Variants in CWC27 observed in about 807,000 individuals in gnomAD.
CWC27 encodes CWC27 spliceosome associated cyclophilin, also known as spliceosome-associated protein CWC27 homolog.
In CWC27, 47 loss-of-function variants were observed where a neutral mutation model predicts 63.6. That is an observed-to-expected ratio of 0.74 (90% CI 0.58 to 0.94). The LOEUF (loss-of-function observed/expected upper bound fraction) is 0.94. Among genes scored for constraint, CWC27 ranks in the 40% least tolerant of loss-of-function variants. The pLI is 0.00. For missense variants in CWC27, 495 were observed against 554.3 expected, an observed-to-expected ratio of 0.89 and a Z score of 1.07; for synonymous variants, 175 against 179.8, an observed-to-expected ratio of 0.97 and a Z score of 0.22.
chr5:64,777,068 C>T (rs1453667082), intron 2 of CWC27, among the ~76,000 whole-genome samples: 1 of 152,042 alleles, frequency 6.6e-6, no homozygotes, highest in Admixed American at 6.6e-5. Context: ...TTGATAATTT[C>T]ATTAGTTCCT....
intron 13 of CWC27, among the ~76,000 whole-genome samples, chr5:65,000,780 T>G (rs1327210785): frequency 6.6e-6 from 1 of 152,166 alleles, no homozygotes; most frequent in African/African-American, 2.4e-5. Flanking sequence ...GCTTTGTTCT[T>G]TGTGCTCGGT....
At chr5:64,788,073 G>A (rs1188601005) in intron 6 of CWC27, among the ~76,000 whole-genome samples, 1 of 152,032 alleles carries the variant, frequency 6.6e-6, no homozygotes, top group African/African-American at 2.4e-5. Context: ...TTAATTCCTT[G>A]TGGCAAAATA....
intron 7 of CWC27, among the ~76,000 whole-genome samples, chr5:64,791,950 C>G (rs750865076): frequency 6.6e-6 from 1 of 151,960 alleles, no homozygotes; most frequent in Non-Finnish European, 1.5e-5. Flanking sequence ...TTGCTACTAC[C>G]CTTGTTCAGC....
At chr5:64,890,231 A>G (rs1747197150) in intron 11 of CWC27, among the ~76,000 whole-genome samples, 1 of 152,168 alleles carries the variant, frequency 6.6e-6, no homozygotes, top group South Asian at 2.1e-4. Context: ...CTTTTCATGA[A>G]ACATATCCCT....
intron 10 of CWC27, among the ~76,000 whole-genome samples, chr5:64,817,171 A>G (rs1459892612): frequency 6.6e-6 from 1 of 152,092 alleles, no homozygotes; most frequent in Non-Finnish European, 1.5e-5. Flanking sequence ...CTCCTCTTTC[A>G]GGCCTCTGCA....
At chr5:64,786,460 G>A (rs770157681) in intron 5 of CWC27, 64 bp from the exon 6 acceptor site, 27 of 932,594 alleles carry the variant, frequency 2.9e-5, no homozygotes, top group South Asian at 9.4e-5. Flanking sequence ...AATTACATAC[G>A]GGGTTTGATT....
chr5:65,000,147 G>A (rs938166969), intron 13 of CWC27, among the ~76,000 whole-genome samples: 14 of 152,032 alleles, frequency 9.2e-5, no homozygotes, highest in African/African-American at 3.4e-4. Flanking sequence ...TTTCAGAGAT[G>A]TCTATTCAGA....
intron 7 of CWC27, among the ~76,000 whole-genome samples, chr5:64,789,253 G>T (rs886207138): frequency 4.6e-5 from 7 of 151,918 alleles, no homozygotes; most frequent in Admixed American, 4.6e-4. Flanking sequence ...AACTAGACTT[G>T]CAGTTTTTTG....
intron 11 of CWC27, among the ~76,000 whole-genome samples, chr5:64,963,221 CA>C (rs1327909754): frequency 6.6e-6 from 1 of 152,086 alleles, no homozygotes; most frequent in Non-Finnish European, 1.5e-5. Context: ...CTCCGCCTCC[CA>C]AAGTGCTCAG....
chr5:64,788,268 G>A (rs1743952717), intron 6 of CWC27, among the ~76,000 whole-genome samples: 1 of 151,344 alleles, frequency 6.6e-6, no homozygotes, highest in African/African-American at 2.4e-5. Context: ...TTTGTTTCCA[G>A]CAAATATATT....
chr5:64,980,398 A>G (rs541232690), intron 13 of CWC27, among the ~76,000 whole-genome samples: 23 of 152,318 alleles, frequency 1.5e-4, no homozygotes, highest in East Asian at 1.4e-3. Flanking sequence ...GTTTGGTTAG[A>G]TGAAGCTTGG....
chr5:64,974,913 T>C (rs1052917863), intron 12 of CWC27, among the ~76,000 whole-genome samples: 1 of 152,154 alleles, frequency 6.6e-6, no homozygotes, highest in African/African-American at 2.4e-5. Context: ...ATGAGTAAGG[T>C]TTAAAAACAA....
intron 11 of CWC27, among the ~76,000 whole-genome samples, chr5:64,948,343 A>G (rs1343091619): frequency 6.6e-6 from 1 of 152,014 alleles, no homozygotes. Flanking sequence ...TTGGTTAACA[A>G]TATGAAATTG....
At chr5:64,985,043 G>A (rs1749400054) in intron 13 of CWC27, among the ~76,000 whole-genome samples, 1 of 152,122 alleles carries the variant, frequency 6.6e-6, no homozygotes, top group Admixed American at 6.5e-5. Context: ...TTGTTAAAAA[G>A]ACTTTGAACT....
At chr5:64,860,672 G>T (rs1378230929) in intron 10 of CWC27, among the ~76,000 whole-genome samples, 1 of 152,144 alleles carries the variant, frequency 6.6e-6, no homozygotes, top group Non-Finnish European at 1.5e-5. Flanking sequence ...ATTTTTGAAT[G>T]AGTATTTTGC....
Position 64,806,340 on chromosome 5 carries a change from A to G in CWC27, c.938+1954A>G, listed in dbSNP as rs367660316. Among the ~76,000 whole-genome samples, 9 of 152,358 alleles carry G rather than the reference A, an allele frequency of 5.9e-5. 1 individual carries two copies. The South Asian group carries it at 1.0e-3, about 18-fold the overall frequency. Reference sequence around the variant, plus strand: ...TTCTACTTAGAAAAGTAAATTAAATAAGAAGTCTCCAAAGGTGGCTTGAAT... The same window carrying G: ...TTCTACTTAGAAAAGTAAATTAAATGAGAAGTCTCCAAAGGTGGCTTGAAT... On this transcript the variant is annotated intron_variant, in intron 10 of 13. Transcript: ENST00000381070.
intron 11 of CWC27, among the ~76,000 whole-genome samples, chr5:64,906,764 G>C (rs1407814117): frequency 6.6e-6 from 1 of 152,202 alleles, no homozygotes; most frequent in Admixed American, 6.5e-5. Flanking sequence ...GTCCTGAATG[G>C]TATTGCCTAG....
rs79019910 is a variant in CWC27, at chr5:64,851,136, G to A, written c.939-34307G>A. Among the ~76,000 whole-genome samples the A allele has an allele frequency of 2.3e-3, 346 of 152,200 alleles. 1 individual carries two copies. Among genetic ancestry groups the A allele is most frequent in the African/African-American group, 7.9e-3 (328 of 41,512 alleles). Reference sequence around the variant, plus strand: ...GCACTATTCACAGTCGCCAAGTTACGGACTCAACTTAAGTGTCCATAAACA... The same window carrying A: ...GCACTATTCACAGTCGCCAAGTTACAGACTCAACTTAAGTGTCCATAAACA... On this transcript the variant is annotated intron_variant, in intron 10 of 13. Coordinates refer to ENST00000381070, the MANE Select transcript of CWC27 (RefSeq NM_005869.4).
chr5:64,949,702 T>G (rs1443191441), intron 11 of CWC27, among the ~76,000 whole-genome samples: 1 of 152,040 alleles, frequency 6.6e-6, no homozygotes, highest in Non-Finnish European at 1.5e-5. Flanking sequence ...TAGATTTTTC[T>G]ACATACAAAT....
Sources: allele counts gnomAD v4.1 joint callset (sites outside exome capture counted in the v4.1 genomes callset), GRCh38; gene constraint gnomAD v4.1.1; transcripts MANE v1.5; gene names NCBI Gene and HGNC (gene_info 2026-07-23, HGNC 2026-07-21).